The following IPO8 variants were observed in gnomAD, a reference collection of about 807,000 sequenced individuals.
IPO8 encodes the protein importin 8, also known as importin-8.
IPO8 carries 65 observed loss-of-function variants against 141.2 expected under a neutral mutation model. The ratio of observed to expected loss-of-function variants is 0.46; its 90% CI spans 0.38 to 0.57. IPO8 has a LOEUF of 0.57. Among genes scored for constraint, IPO8 ranks in the 20% least tolerant of loss-of-function variants. IPO8 has a pLI of 0.00. For synonymous variants in IPO8, 411 were observed against 420.3 expected (o/e 0.98, Z 0.27); for missense variants, 980 against 1,246.8 (o/e 0.79, Z 3.22).
chr12:30,666,962 A>T (rs2052975701), intron 10 of IPO8, among the ~76,000 whole-genome samples: 1 of 152,220 alleles, frequency 6.6e-6, no homozygotes, highest in South Asian at 2.1e-4. Context: ...ATACCTATCT[A>T]AAACTTAACA....
At chr12:30,676,405 T>C in intron 6 of IPO8, 93 bp downstream of exon 6, 1 of 567,148 alleles carries the variant, frequency 1.8e-6, no homozygotes, top group Non-Finnish European at 3.0e-6. Context: ...AGTAGTAAAT[T>C]TTTTCAAAGA....
At chr12:30,640,510 T>C (rs1163847719) in intron 20 of IPO8, among the ~76,000 whole-genome samples, 1 of 152,174 alleles carries the variant, frequency 6.6e-6, no homozygotes, top group Non-Finnish European at 1.5e-5. Context: ...TAAATCAAAA[T>C]ACATGACTAC....
In IPO8 at chr12:30,695,531, G is replaced by A; in HGVS notation, c.84+33C>T. On this transcript the variant is annotated intron_variant, in intron 1 of 24. Transcript: ENST00000256079. This position sits in a 1 kb window ranked among gnomAD's most constrained non-coding sequence, Gnocchi z 4.2. ...GCCAGCCGGCAGGGGCGCCCCTTCG[G>A]CGGAAGAGGGTCGCCGAAGACCCTC... 1 of 1,597,088 alleles carries A rather than the reference G, an allele frequency of 6.3e-7. No individual in the cohort carries two copies. The highest frequency in any genetic ancestry group is 8.6e-7 in the Non-Finnish European group (1 of 1,165,662).
At chr12:30,669,749 G>C (rs1434991983) in intron 9 of IPO8, among the ~76,000 whole-genome samples, 1 of 144,510 alleles carries the variant, frequency 6.9e-6, no homozygotes, top group East Asian at 2.0e-4. Context: ...CTGTGCAACA[G>C]AGTGAGACTC....
intron 3 of IPO8, among the ~76,000 whole-genome samples, chr12:30,683,257 A>G (rs1426439171): frequency 6.6e-6 from 1 of 152,130 alleles, no homozygotes; most frequent in Non-Finnish European, 1.5e-5. Flanking sequence ...AATAAGAATA[A>G]TAGTGATTTT....
chr12:30,687,896 G>A (rs1408487591), intron 2 of IPO8, among the ~76,000 whole-genome samples: 1 of 152,052 alleles, frequency 6.6e-6, no homozygotes, highest in Admixed American at 6.6e-5. Context: ...CAAGGAGCAG[G>A]CAAACTTATA....
chr12:30,647,603 CAAAAAAA>C (rs34098076), intron 20 of IPO8, among the ~76,000 whole-genome samples: 2 of 40,788 alleles, frequency 4.9e-5, no homozygotes, highest in Non-Finnish European at 8.4e-5. Context: ...AGACCGTCTC[CAAAAAAA>C]AAAAAAAAAA....
rs1007272722 is a variant in IPO8, at chr12:30,680,401, T to C, written c.639+81A>G. ...GATAATACAAAATAATTTTTAATAA[T>C]AAGTGACACTTATTGAGCACTTTCC... On this transcript the variant is annotated intron_variant, in intron 5 of 24. Coordinates refer to ENST00000256079, the MANE Select transcript of IPO8 (RefSeq NM_006390.4). 16 of 1,061,416 alleles carry C rather than the reference T, an allele frequency of 1.5e-5. No homozygotes were observed. In the African/African-American group the frequency reaches 2.4e-4, roughly 16 times the overall value. The allele number at this position is 1,061,416 out of a possible 1,614,324, so 65.7% of individuals were successfully genotyped here. A position where few individuals can be genotyped will look rare whatever the true frequency, so the allele number is the denominator to read the frequency against.
Position 30,666,071 on chromosome 12 carries a change from A to AT in IPO8, c.1221+103dup, listed in dbSNP as rs1306467054. ...AAAAAAATCCTTAAGGTGACAAATT[A>AT]TAACGAATAACAACATAATTTCTCA... On this transcript the variant is annotated intron_variant, in intron 11 of 24. Transcript: ENST00000256079. 40 of 813,232 alleles carry AT rather than the reference A, an allele frequency of 4.9e-5. No individual in the cohort carries two copies. The East Asian group carries it at 9.8e-4, about 20-fold the overall frequency. The allele number at this position is 813,232 out of a possible 1,614,324, so 50.4% of individuals were successfully genotyped here.
rs117562151 is a variant in IPO8 at position 30,650,416 on chromosome 12, T to A, written c.2173-1184A>T. Among the ~76,000 whole-genome samples the A allele has an allele frequency of 3.2e-3, 492 of 152,192 alleles. 4 individuals are homozygous for A. The highest frequency in any genetic ancestry group is 0.012 in the East Asian group (63 of 5,180). On this transcript the variant is annotated intron_variant, in intron 19 of 24. Transcript: ENST00000256079. ...GGAAGCTGGAAAATAGTGAGCTGAA[T>A]GATAAGCAGATATCAGGCAAAGCCA...
intron 1 of IPO8, among the ~76,000 whole-genome samples, chr12:30,694,324 T>C (rs1163706929): frequency 6.6e-6 from 1 of 152,228 alleles, no homozygotes; most frequent in Non-Finnish European, 1.5e-5. Flanking sequence ...GCATTATCTT[T>C]GGGCATTAGT....
chr12:30,688,307 T>C (rs2136175414), intron 2 of IPO8: 1 of 325,290 alleles, frequency 3.1e-6, no homozygotes, highest in South Asian at 2.3e-5. Context: ...TCAAAATACT[T>C]AATTTTTTCC....
rs1452350182 is a variant in IPO8 at position 30,680,603 on chromosome 12, A to C, written c.518T>G (p.Ile173Arg). 1 of 1,612,286 alleles carries C rather than the reference A, an allele frequency of 6.2e-7. No individual in the cohort carries two copies. The highest frequency in any genetic ancestry group is 1.7e-5 in the Admixed American group (1 of 59,934). Residue 173 changes from isoleucine (I) to arginine (R), a missense_variant, in exon 5 of 25, where the codon ATA becomes AGA. Ile to Arg is a moderately conservative substitution (Grantham distance 97). This residue lies in a region of IPO8 where 924 missense variants were observed against 1,153.9 expected (regional missense o/e 0.80). Coordinates refer to ENST00000256079, the MANE Select transcript of IPO8 (RefSeq NM_006390.4). ...KKAEEREPLIIAMQIFLPRIQ... is the reference protein window; with the variant it reads ...KKAEEREPLIRAMQIFLPRIQ... The stretch of plus-strand genomic sequence containing the variant: ...ACGAGGCAGGAATATCTGCATTGCT[A>C]TTATAAGAGGTTCTCTCTCTTCTGC...
chr12:30,639,473 T>A (rs1223507456), intron 21 of IPO8, 42 bp downstream of exon 21: 1 of 1,371,468 alleles, frequency 7.3e-7, no homozygotes, highest in Non-Finnish European at 1.0e-6. Context: ...AAGCAAACTT[T>A]CCAGAAACAG....
chr12:30,692,557 T>G lies in IPO8; in HGVS notation c.85-1980A>C, dbSNP rs571987270. On this transcript the variant is annotated intron_variant, in intron 1 of 24. Coordinates refer to ENST00000256079, the MANE Select transcript of IPO8 (RefSeq NM_006390.4). The stretch of plus-strand genomic sequence containing the variant: ...TGATTTCCTGAGGATATTTTGTATC[T>G]GTGAAGTTTTCTGCAAATACGCAGT... 6.6e-5 allele frequency among the ~76,000 whole-genome samples: 10 copies of G among 152,370 alleles called. No homozygotes were observed. In the East Asian group the frequency reaches 1.5e-3, roughly 23 times the overall value.
chr12:30,653,413 G>A (rs2052755206), intron 17 of IPO8, among the ~76,000 whole-genome samples: 1 of 151,762 alleles, frequency 6.6e-6, no homozygotes. Context: ...GATACAAGAA[G>A]GAATAGATTA....
chr12:30,658,817 A>G (rs989119373), intron 16 of IPO8, among the ~76,000 whole-genome samples: 9 of 151,954 alleles, frequency 5.9e-5, no homozygotes, highest in Admixed American at 5.9e-4. Context: ...AATAATGAAA[A>G]TGAAAATAAA....
At chr12:30,661,713 G>T (rs1374857270) in intron 15 of IPO8, among the ~76,000 whole-genome samples, 2 of 146,164 alleles carry the variant, frequency 1.4e-5, no homozygotes, top group Non-Finnish European at 3.0e-5. Context: ...AATACAAACA[G>T]AAAAAAAAAT....
intron 18 of IPO8, 65 bp from the exon 19 acceptor site, chr12:30,652,354 G>T: frequency 1.1e-6 from 1 of 938,866 alleles, no homozygotes; most frequent in Non-Finnish European, 1.7e-6. Flanking sequence ...TATTCCCACT[G>T]AAACCATATT....
Sources: gnomAD v4.1 joint callset for allele counts (sites outside exome capture counted in the v4.1 genomes callset) on GRCh38, gnomAD v4.1.1 for gene constraint, gnomAD v4.1.1 regional missense constraint, Gnocchi (gnomAD v3.1) non-coding constraint, MANE v1.5 for transcripts, NCBI Gene and HGNC (gene_info 2026-07-23, HGNC 2026-07-21) for gene names.